The following BICC1 variants were observed in gnomAD, a reference collection of about 807,000 sequenced individuals.
BICC1 encodes BicC family RNA binding protein 1.
BICC1 carries 43 observed loss-of-function variants against 111.0 expected under a neutral mutation model. That is an observed-to-expected ratio of 0.39 (90% CI 0.30 to 0.50). The LOEUF is 0.50. Ranked by LOEUF, BICC1 falls within the 20% of genes least tolerant of loss-of-function variation. BICC1 has a pLI of 0.88. For missense variants in BICC1, 1,091 were observed against 1,203.2 expected (o/e 0.91, Z 1.38); for synonymous variants, 467 against 434.4 (o/e 1.07, Z -0.93).
intron 1 of BICC1, among the ~76,000 whole-genome samples, chr10:58,613,549 T>G (rs1008281523): frequency 2.6e-5 from 4 of 152,106 alleles, no homozygotes; most frequent in African/African-American, 9.7e-5. Flanking sequence ...TATTATCATA[T>G]CTCATATATA....
intron 1 of BICC1, among the ~76,000 whole-genome samples, chr10:58,514,876 G>A (rs1240298817): frequency 1.3e-5 from 2 of 152,136 alleles, no homozygotes; most frequent in Admixed American, 6.5e-5. Flanking sequence ...TTTATGTCAG[G>A]CATATATTGT....
chr10:58,792,230 A>G (rs138424516), intron 8 of BICC1, among the ~76,000 whole-genome samples: 2 of 152,168 alleles, frequency 1.3e-5, no homozygotes, highest in African/African-American at 4.8e-5. Flanking sequence ...GACTCAGTAG[A>G]TCAGAGGCTG....
intron 2 of BICC1, among the ~76,000 whole-genome samples, chr10:58,701,037 G>A (rs1448563717): frequency 2.6e-5 from 4 of 152,188 alleles, no homozygotes; most frequent in African/African-American, 4.8e-5. Context: ...GAAGTTTGAT[G>A]TATGTGAACC....
chr10:58,814,629 A>C (rs963973572), intron 18 of BICC1, among the ~76,000 whole-genome samples: 7 of 151,532 alleles, frequency 4.6e-5, no homozygotes, highest in East Asian at 1.9e-4. Flanking sequence ...AAAAAAAAAA[A>C]AAAAAAAAAC....
chr10:58,659,196 A>G (rs1230897146), intron 2 of BICC1, among the ~76,000 whole-genome samples: 1 of 152,198 alleles, frequency 6.6e-6, no homozygotes, highest in Non-Finnish European at 1.5e-5. Context: ...GATTTTTCAA[A>G]GAGCTCAATA....
chr10:58,569,575 T>C (rs1408510894), intron 1 of BICC1, among the ~76,000 whole-genome samples: 1 of 152,110 alleles, frequency 6.6e-6, no homozygotes, highest in Non-Finnish European at 1.5e-5. Context: ...CAGTGTGTGA[T>C]GTTCCCCTCC....
chr10:58,638,329 C>A (rs981281083), intron 2 of BICC1, among the ~76,000 whole-genome samples: 1 of 151,590 alleles, frequency 6.6e-6, no homozygotes, highest in South Asian at 2.1e-4. Context: ...AAAAAAAAGG[C>A]CATTTGAAAA....
chr10:58,785,698 G>T (rs991216813), intron 4 of BICC1, among the ~76,000 whole-genome samples: 1 of 152,046 alleles, frequency 6.6e-6, no homozygotes, highest in African/African-American at 2.4e-5. Flanking sequence ...CAGGCACTTC[G>T]CTAAGTACTC....
At chr10:58,692,942 T>C (rs1839955177) in intron 2 of BICC1, among the ~76,000 whole-genome samples, 1 of 152,100 alleles carries the variant, frequency 6.6e-6, no homozygotes, top group East Asian at 1.9e-4. Context: ...ACATGTGGCA[T>C]ATTGGTGTGC....
At chr10:58,610,559 T>C (rs965046343) in intron 1 of BICC1, among the ~76,000 whole-genome samples, 1 of 152,092 alleles carries the variant, frequency 6.6e-6, no homozygotes, top group African/African-American at 2.4e-5. Flanking sequence ...TCTTGGATGG[T>C]TCAATTATTG....
At chr10:58,820,831 T>C (rs1273568580) in intron 20 of BICC1, among the ~76,000 whole-genome samples, 1 of 152,136 alleles carries the variant, frequency 6.6e-6, no homozygotes, top group Non-Finnish European at 1.5e-5. Context: ...TGATTGGCAG[T>C]TATGTTTCAA....
intron 3 of BICC1, among the ~76,000 whole-genome samples, chr10:58,736,490 C>T (rs966171399): frequency 2.0e-5 from 3 of 152,052 alleles, no homozygotes; most frequent in Admixed American, 6.6e-5. Context: ...TGTGAAAAAT[C>T]AAGTACCAAA....
At chr10:58,768,817 G>C (rs1056255898) in intron 3 of BICC1, among the ~76,000 whole-genome samples, 1 of 151,770 alleles carries the variant, frequency 6.6e-6, no homozygotes, top group Non-Finnish European at 1.5e-5. Context: ...AAAAGATAAA[G>C]AATCAAACCA....
chr10:58,789,015 C>T (rs767119765), intron 6 of BICC1, among the ~76,000 whole-genome samples: 9 of 151,904 alleles, frequency 5.9e-5, no homozygotes, highest in Non-Finnish European at 1.0e-4. Flanking sequence ...TCCTTGAGCC[C>T]AGGAGGTGGA....
chr10:58,691,678 T>C (rs1839911886), intron 2 of BICC1, among the ~76,000 whole-genome samples: 1 of 152,174 alleles, frequency 6.6e-6, no homozygotes, highest in Non-Finnish European at 1.5e-5. Context: ...TCTGAGCCTG[T>C]GTTAGCAGAA....
chr10:58,575,013 CTT>C (rs879780893), intron 1 of BICC1, among the ~76,000 whole-genome samples: 1 of 144,736 alleles, frequency 6.9e-6, no homozygotes, highest in Non-Finnish European at 1.5e-5. Flanking sequence ...CCCCTCAAAC[CTT>C]TTTTTTTTTT....
At chr10:58,787,164 A>C in intron 5 of BICC1, 83 bp downstream of exon 5, 1 of 1,292,564 alleles carries the variant, frequency 7.7e-7, no homozygotes, top group Non-Finnish European at 1.0e-6. Flanking sequence ...TTTTTTTCTG[A>C]GAGGTGAGAC....
intron 3 of BICC1, among the ~76,000 whole-genome samples, chr10:58,745,086 A>G (rs942157643): frequency 6.6e-6 from 1 of 152,178 alleles, no homozygotes; most frequent in Non-Finnish European, 1.5e-5. Context: ...AAATAACTTT[A>G]TTTCCTTTAA....
At chr10:58,712,561 A>T (rs1004845484) in intron 3 of BICC1, among the ~76,000 whole-genome samples, 6 of 152,210 alleles carry the variant, frequency 3.9e-5, no homozygotes, top group Non-Finnish European at 7.3e-5. Context: ...GGCATGGAGG[A>T]TTCAATCTTA....
Sources: allele counts gnomAD v4.1 joint callset (sites outside exome capture counted in the v4.1 genomes callset), GRCh38; gene constraint gnomAD v4.1.1; transcripts MANE v1.5; gene names NCBI Gene and HGNC (gene_info 2026-07-23, HGNC 2026-07-21).